Variants in SLC23A1 observed in about 807,000 individuals in gnomAD.
The protein encoded by SLC23A1 is Na(+)/L-ascorbic acid transporter 1.
SLC23A1 carries 31 observed loss-of-function variants against 62.5 expected under a neutral mutation model. That is an observed-to-expected ratio of 0.50 (90% CI 0.37 to 0.67). The LOEUF is 0.67. Ranked by LOEUF, SLC23A1 falls within the 30% of genes least tolerant of loss-of-function variation. The pLI is 0.00. For missense variants in SLC23A1, 640 were observed against 782.7 expected (o/e 0.82, Z 2.18); for synonymous variants, 271 against 313.2 (o/e 0.87, Z 1.42).
chr5:139,384,290 TG>T, upstream of SLC23A1: 1 of 1,141,048 alleles, frequency 8.8e-7, no homozygotes, highest in Non-Finnish European at 1.1e-6. Flanking sequence ...TGGTGAGGGC[TG>T]GGCCTGAGGT....
upstream of SLC23A1, chr5:139,384,333 C>A: frequency 1.6e-6 from 2 of 1,268,296 alleles, no homozygotes; most frequent in South Asian, 1.3e-5. Context: ...GCTGCCCCAG[C>A]CCCAGCACTC....
At chr5:139,380,492 T>C (rs757343820) in intron 5 of SLC23A1, 73 bp downstream of exon 5, 29 of 1,594,700 alleles carry the variant, frequency 1.8e-5, no homozygotes, top group Non-Finnish European at 2.4e-5. Context: ...ATCCCCAAAC[T>C]CAGCGGCCAC....
At position 139,382,044 on chromosome 5, in the gene SLC23A1, G is replaced by A; in HGVS notation, c.156C>T (p.Tyr52=). The A allele has an allele frequency of 6.2e-7, 1 of 1,608,288 alleles. No homozygotes were observed. Among genetic ancestry groups the A allele is most frequent in the Non-Finnish European group, 8.5e-7 (1 of 1,177,318 alleles). Residue 52 remains tyrosine, a synonymous_variant, in exon 3 of 15, where the codon TAC becomes TAT. Transcript: ENST00000348729. ...YLCILLGFQH[Y]LTCFSGTIAV... is the part of the protein sequence containing the mutation. ...CGATGGTACCACTGAAGCATGTCAG[G>A]TAGTGCTGGGCAGAGGGAGACAGCA...
In SLC23A1 at chr5:139,378,463, CG is replaced by C; in HGVS notation, c.1180-113del. ...GGCATAAACCGGCTGGGGCTTGATG[CG>C]GGGGCGAGGCCTCTCAAAGACAGGG... On this transcript the variant is annotated intron_variant, in intron 10 of 14. Coordinates refer to ENST00000348729, the MANE Select transcript of SLC23A1 (RefSeq NM_005847.5). This position sits in a 1 kb window ranked among gnomAD's most constrained non-coding sequence, Gnocchi z 4.5. 1 of 1,447,330 alleles carries C rather than the reference CG, an allele frequency of 6.9e-7. No individual in the cohort carries two copies. Among genetic ancestry groups the C allele is most frequent in the Non-Finnish European group, 9.4e-7 (1 of 1,061,774 alleles). 89.7% of individuals were successfully genotyped at this position (1,447,330 alleles called of 1,614,324 possible). A position where few individuals can be genotyped will look rare whatever the true frequency, so the allele number is the denominator to read the frequency against.
At position 139,379,088 on chromosome 5, in the gene SLC23A1, G is replaced by T; in HGVS notation, c.1073+119C>A. 1.0e-6 allele frequency: 1 copy of T among 980,590 alleles called. No individual in the cohort carries two copies. Among genetic ancestry groups the T allele is most frequent in the Non-Finnish European group, 1.6e-6 (1 of 627,048 alleles). 60.7% of individuals were successfully genotyped at this position (980,590 alleles called of 1,614,324 possible). Reference sequence around the variant, plus strand: ...CCCATCGCACAAACAAGGAGAATGAGGTCTGGAGCGTGTTCCCGACTTGCC... The same window carrying T: ...CCCATCGCACAAACAAGGAGAATGATGTCTGGAGCGTGTTCCCGACTTGCC... On this transcript the variant is annotated intron_variant, in intron 9 of 14. Transcript: ENST00000348729. This position sits in a 1 kb window ranked among gnomAD's most constrained non-coding sequence, Gnocchi z 4.7.
chr5:139,376,193 G>A (rs1202260493), intron 13 of SLC23A1, among the ~76,000 whole-genome samples: 1 of 11,390 alleles, frequency 8.8e-5, no homozygotes, highest in Admixed American at 7.1e-4. Flanking sequence ...TTTTTGAGAT[G>A]GAGTCTCACC....
At chr5:139,370,317 T>G (rs904437510) in intron 14 of SLC23A1, among the ~76,000 whole-genome samples, 4 of 152,084 alleles carry the variant, frequency 2.6e-5, no homozygotes, top group Non-Finnish European at 5.9e-5. Context: ...ATTACAGTTG[T>G]GTGCCACCAC....
chr5:139,367,756 C>G (rs1023774392), intron 14 of SLC23A1, 125 bp from the exon 15 acceptor site: 1 of 152,172 alleles, frequency 6.6e-6, no homozygotes, highest in African/African-American at 2.4e-5. Flanking sequence ...TAACATGGTT[C>G]CTTGGTATTT....
chr5:139,378,157 C>T lies in SLC23A1; in HGVS notation c.1310-39G>A. The stretch of plus-strand genomic sequence containing the variant: ...AGAACGGCTGGAGGCGCCGCACACG[C>T]GTAATCCAGGTGAGTCCCACTCGGC... On this transcript the variant is annotated intron_variant, in intron 11 of 14. Coordinates refer to ENST00000348729, the MANE Select transcript of SLC23A1 (RefSeq NM_005847.5). The surrounding 1 kb of genome is among the most constrained non-coding windows in gnomAD (Gnocchi z 4.5). The T allele has an allele frequency of 4.3e-6, 7 of 1,613,720 alleles. No homozygotes were observed. Among genetic ancestry groups the T allele is most frequent in the Non-Finnish European group, 5.9e-6 (7 of 1,179,856 alleles).
At position 139,372,065 on chromosome 5, in the gene SLC23A1, C is replaced by G. The variant is rs760203717; in HGVS notation, c.1738G>C (p.Ala580Pro). 2 of 1,612,866 alleles carry G rather than the reference C, an allele frequency of 1.2e-6. No individual in the cohort carries two copies. Among genetic ancestry groups the G allele is most frequent in the Non-Finnish European group, 8.5e-7 (1 of 1,178,840 alleles). Reference sequence around the variant, plus strand: ...TTTTCTGGAGTGTCTTCTGGAATTGCAATCTGATCTTTTGAACTTGAAGAA... The same window carrying G: ...TTTTCTGGAGTGTCTTCTGGAATTGGAATCTGATCTTTTGAACTTGAAGAA... ...GFSSSSKDQI[A>P]IPEDTPENTE... is the part of the protein sequence containing the mutation. The change falls in exon 14 of 15, where the codon GCA becomes CCA. Residue 580 changes from alanine (A) to proline (P), a missense_variant. By Grantham distance (27) the Ala-to-Pro change is conservative. Coordinates refer to ENST00000348729, the MANE Select transcript of SLC23A1 (RefSeq NM_005847.5).
In SLC23A1 at chr5:139,371,987, C is replaced by A; in HGVS notation, c.*19G>T. The A allele has an allele frequency of 6.2e-7, 1 of 1,611,080 alleles. No individual in the cohort carries two copies. Among genetic ancestry groups the A allele is most frequent in the Non-Finnish European group, 8.5e-7 (1 of 1,177,706 alleles). ...CACAAAAACCATAGACACATCCTAC[C>A]TTTCCTGGAAGTCATTTTTCAGACC... On this transcript the variant is annotated splice_region_variant and 3_prime_UTR_variant, in exon 14 of 15. Transcript: ENST00000348729.
In SLC23A1 at chr5:139,377,454, C is replaced by T. The variant is rs756256757; in HGVS notation, c.1497G>A (p.Thr499=). The stretch of plus-strand genomic sequence containing the variant: ...CAAGGCACCCGCCCACAAACATCTC[C>T]GTGGTCAGCAGCACAATCAGAATCT... ...VDQILIVLLT[T]EMFVGGCLAF... Residue 499 remains threonine (T), a synonymous_variant, in exon 13 of 15, where the codon ACG becomes ACA. Transcript: ENST00000348729. 3.0e-5 allele frequency: 48 copies of T among 1,612,166 alleles called. No individual in the cohort carries two copies. Among genetic ancestry groups the T allele is most frequent in the East Asian group, 2.7e-4 (12 of 44,866 alleles).
At chr5:139,384,950 A>AG (rs1451760360), upstream of SLC23A1, among the ~76,000 whole-genome samples, 1 of 152,070 alleles carries the variant, frequency 6.6e-6, no homozygotes, top group East Asian at 1.9e-4. Context: ...TGAAGGATGG[A>AG]GGGGGCTGAG....
At chr5:139,372,710 T>C (rs1204371973) in intron 13 of SLC23A1, among the ~76,000 whole-genome samples, 1 of 151,984 alleles carries the variant, frequency 6.6e-6, no homozygotes, top group African/African-American at 2.4e-5. Context: ...TCAGTCTCCT[T>C]AGTAGCTGGG....
In SLC23A1 at chr5:139,379,179, CAG is replaced by C. The variant is rs1485784284; in HGVS notation, c.1073+26_1073+27del. On this transcript the variant is annotated intron_variant, in intron 9 of 14. Transcript: ENST00000348729. This position sits in a 1 kb window ranked among gnomAD's most constrained non-coding sequence, Gnocchi z 4.7. Reference sequence around the variant, plus strand: ...CTTCCTGGGTGGCGCCTGAGGAGATCAGATACTGAGGAGGGCAGGTAGGCTAC... The same window carrying C: ...CTTCCTGGGTGGCGCCTGAGGAGATCATACTGAGGAGGGCAGGTAGGCTAC... The C allele has an allele frequency of 6.2e-7, 1 of 1,612,416 alleles. No individual in the cohort carries two copies. Among genetic ancestry groups the C allele is most frequent in the African/African-American group, 1.3e-5 (1 of 74,880 alleles).
intron 13 of SLC23A1, among the ~76,000 whole-genome samples, chr5:139,374,464 AAAAC>A (rs1757846672): frequency 4.6e-5 from 7 of 152,178 alleles, no homozygotes; most frequent in African/African-American, 1.7e-4. Flanking sequence ...ACAAACAAAA[AAAAC>A]AAATGCAAAA....
chr5:139,380,828 CCAGTATGGCTTTGGCTGGAACCAGAA>C lies in SLC23A1; in HGVS notation c.341_366del (p.Phe114CysfsTer16). The C allele has an allele frequency of 6.4e-7, 1 of 1,569,320 alleles. No homozygotes were observed. The highest frequency in any genetic ancestry group is 8.7e-7 in the Non-Finnish European group (1 of 1,155,452). On this transcript the variant is annotated frameshift_variant, in exon 4 of 15. Transcript: ENST00000348729. LOFTEE classifies it high-confidence loss of function. ...GGGGGGCATTTCCATCTCTCCAGAG[CCAGTATGGCTTTGGCTGGAACCAGAA>C]ATGCAAAGGCACTGGCCTGGAACAG...
chr5:139,370,799 G>T (rs1324792950), intron 14 of SLC23A1, among the ~76,000 whole-genome samples: 1 of 151,950 alleles, frequency 6.6e-6, no homozygotes. Flanking sequence ...AAAAAGAAAA[G>T]GGGGCTCTAG....
intron 14 of SLC23A1, among the ~76,000 whole-genome samples, 175 bp downstream of exon 14, chr5:139,371,812 T>C (rs1259833102): frequency 6.6e-6 from 1 of 152,224 alleles, no homozygotes; most frequent in Non-Finnish European, 1.5e-5. Context: ...TATGAAATGG[T>C]AAAGGAATTC....
Sources: gnomAD v4.1 joint callset for allele counts (sites outside exome capture counted in the v4.1 genomes callset) on GRCh38, gnomAD v4.1.1 for gene constraint, Gnocchi (gnomAD v3.1) non-coding constraint, MANE v1.5 for transcripts, NCBI Gene and HGNC (gene_info 2026-07-23, HGNC 2026-07-21) for gene names.